Variants in SORCS2 observed in about 807,000 individuals in gnomAD.
SORCS2 encodes the protein sortilin related VPS10 domain containing receptor 2, also known as VPS10 domain-containing receptor SorCS2.
Under a neutral mutation model 141.6 loss-of-function variants are expected in SORCS2, and 100 were observed. The ratio of observed to expected loss-of-function variants is 0.71; its 90% CI spans 0.60 to 0.83. SORCS2 has a LOEUF of 0.83. Among genes scored for constraint, SORCS2 ranks in the 40% least tolerant of loss-of-function variants. The pLI, the probability that SORCS2 is intolerant of heterozygous loss-of-function variation, is 0.00. For missense variants in SORCS2, 1,646 were observed against 1,560.2 expected (o/e 1.05, Z -0.93); for synonymous variants, 789 against 676.9 (o/e 1.17, Z -2.57).
chr4:7,281,118 A>G (rs938385549), intron 1 of SORCS2, among the ~76,000 whole-genome samples: 13 of 152,164 alleles, frequency 8.5e-5, no homozygotes, highest in African/African-American at 3.1e-4. Context: ...GAGCTATGAT[A>G]AAACCCAGCA....
At chr4:7,343,207 T>A (rs973301299) in intron 1 of SORCS2, among the ~76,000 whole-genome samples, 5 of 152,204 alleles carry the variant, frequency 3.3e-5, no homozygotes, top group African/African-American at 1.2e-4. Context: ...GGTGGGCTGG[T>A]TGGCAGCATG....
intron 1 of SORCS2, among the ~76,000 whole-genome samples, chr4:7,315,869 G>T (rs1267983908): frequency 1.3e-5 from 2 of 152,122 alleles, no homozygotes; most frequent in African/African-American, 4.8e-5. Context: ...GAGGAAGAGG[G>T]GAGAAGCCTG....
chr4:7,205,580 T>C (rs1727684802), intron 1 of SORCS2, among the ~76,000 whole-genome samples: 1 of 152,216 alleles, frequency 6.6e-6, no homozygotes, highest in African/African-American at 2.4e-5. Context: ...TTTCTGTTGG[T>C]GACACTCAGG....
At chr4:7,696,779 C>T (rs1015796447) in intron 11 of SORCS2, among the ~76,000 whole-genome samples, 9 of 152,242 alleles carry the variant, frequency 5.9e-5, no homozygotes, top group African/African-American at 9.6e-5. Context: ...CCTCTGCACC[C>T]GGTGCCCAGG....
intron 1 of SORCS2, among the ~76,000 whole-genome samples, chr4:7,230,648 T>C (rs1417534619): frequency 8.1e-6 from 1 of 122,998 alleles, no homozygotes; most frequent in African/African-American, 2.8e-5. Context: ...TGCTCATGTA[T>C]GAAGGAGATG....
At chr4:7,333,194 G>A (rs1259286648) in intron 1 of SORCS2, among the ~76,000 whole-genome samples, 2 of 152,188 alleles carry the variant, frequency 1.3e-5, no homozygotes, top group Non-Finnish European at 2.9e-5. Context: ...TTTCTGACTG[G>A]CTGAGTTTCG....
intron 1 of SORCS2, among the ~76,000 whole-genome samples, chr4:7,314,500 C>A (rs558562006): frequency 1.3e-5 from 2 of 151,980 alleles, no homozygotes; most frequent in Admixed American, 1.3e-4. Context: ...CCACCACGCC[C>A]GGCTACATTT....
chr4:7,279,075 C>T (rs1488679418), intron 1 of SORCS2, among the ~76,000 whole-genome samples: 2 of 152,164 alleles, frequency 1.3e-5, no homozygotes, highest in African/African-American at 2.4e-5. Flanking sequence ...CCAGTGCTTC[C>T]TATGGGAGAA....
chr4:7,333,661 G>C (rs543900353), intron 1 of SORCS2, among the ~76,000 whole-genome samples: 1 of 152,298 alleles, frequency 6.6e-6, no homozygotes, highest in South Asian at 2.1e-4. Flanking sequence ...GCTTCCCCCA[G>C]ACCCTGACTT....
At chr4:7,500,863 C>G (rs1486264083) in intron 2 of SORCS2, among the ~76,000 whole-genome samples, 1 of 152,216 alleles carries the variant, frequency 6.6e-6, no homozygotes, top group Non-Finnish European at 1.5e-5. Flanking sequence ...TGGGAGCCAG[C>G]CTGCGGGCAG....
chr4:7,619,525 T>C (rs1719008683), intron 3 of SORCS2, among the ~76,000 whole-genome samples: 1 of 152,146 alleles, frequency 6.6e-6, no homozygotes, highest in Admixed American at 6.5e-5. Context: ...AGTTTCCAGA[T>C]GTGCAGGGTC....
chr4:7,374,864 T>C (rs3864209), intron 1 of SORCS2, among the ~76,000 whole-genome samples: 106,211 of 151,996 alleles, frequency 0.7, 37,400 homozygotes, highest in East Asian at 0.93. Context: ...CAGGTGACCC[T>C]GTGCTGGGTG....
chr4:7,313,351 C>G (rs1243421848), intron 1 of SORCS2, among the ~76,000 whole-genome samples: 1 of 152,184 alleles, frequency 6.6e-6, no homozygotes, highest in Non-Finnish European at 1.5e-5. Flanking sequence ...GCAGGGAAGG[C>G]GCAGTCCTCC....
chr4:7,406,641 C>G (rs569528147), intron 2 of SORCS2, among the ~76,000 whole-genome samples: 1 of 151,744 alleles, frequency 6.6e-6, no homozygotes, highest in African/African-American at 2.4e-5. Flanking sequence ...TCTAGTCGGT[C>G]TACTTTGTTG....
At chr4:7,602,637 G>C (rs1717795331) in intron 3 of SORCS2, among the ~76,000 whole-genome samples, 1 of 151,326 alleles carries the variant, frequency 6.6e-6, no homozygotes, top group African/African-American at 2.4e-5. Flanking sequence ...TTCCTTGACG[G>C]GATGACTGCC....
At chr4:7,726,746 G>C (rs570173577) in intron 20 of SORCS2, 34 bp from the exon 21 acceptor site, 2 of 1,606,832 alleles carry the variant, frequency 1.2e-6, no homozygotes, top group Non-Finnish European at 1.7e-6. Context: ...TGCCTCACTC[G>C]GCCAGGCCCC....
At chr4:7,400,906 G>T (rs531349550) in intron 2 of SORCS2, among the ~76,000 whole-genome samples, 2 of 151,282 alleles carry the variant, frequency 1.3e-5, no homozygotes, top group African/African-American at 4.8e-5. Flanking sequence ...TGGACATATG[G>T]ATGGATAGAT....
rs73206502 is a variant in SORCS2, at chr4:7,286,728, G to A, written c.480+93602G>A. ...CTGGCACTTTTTCCACAATGCCTCA[G>A]AGGTTGCACATGTTCACGGGCCTCG... On this transcript the variant is annotated intron_variant, in intron 1 of 26. Coordinates refer to ENST00000507866, the MANE Select transcript of SORCS2 (RefSeq NM_020777.3). This position sits in a 1 kb window ranked among gnomAD's most constrained non-coding sequence, Gnocchi z 4.1. Among the ~76,000 whole-genome samples, 1 of 152,356 alleles carries A rather than the reference G, an allele frequency of 6.6e-6. No individual in the cohort carries two copies. The highest frequency in any genetic ancestry group is 1.5e-5 in the Non-Finnish European group (1 of 68,034).
At chr4:7,615,893 T>A (rs1718728072) in intron 3 of SORCS2, among the ~76,000 whole-genome samples, 1 of 152,216 alleles carries the variant, frequency 6.6e-6, no homozygotes, top group African/African-American at 2.4e-5. Flanking sequence ...AAGAACTTTT[T>A]AAAGGATGCA....
Sources: gnomAD v4.1 joint callset for allele counts (sites outside exome capture counted in the v4.1 genomes callset) on GRCh38, gnomAD v4.1.1 for gene constraint, Gnocchi (gnomAD v3.1) non-coding constraint, MANE v1.5 for transcripts, NCBI Gene and HGNC (gene_info 2026-07-23, HGNC 2026-07-21) for gene names.